The following CATSPERE variants were observed in gnomAD, a reference collection of about 807,000 sequenced individuals.
The protein encoded by CATSPERE is catsper channel auxiliary subunit epsilon.
A neutral mutation model predicts 114.1 loss-of-function variants in CATSPERE; 93 were observed. The ratio of observed to expected loss-of-function variants is 0.81; its 90% CI spans 0.69 to 0.97. The LOEUF (loss-of-function observed/expected upper bound fraction) is 0.97. Among genes scored for constraint, CATSPERE ranks in the 50% least tolerant of loss-of-function variants. The probability of loss-of-function intolerance (pLI) is 0.00; values close to 1 mark genes in which losing one functional copy is unlikely to be tolerated. For missense variants in CATSPERE, 1,058 were observed against 1,131.6 expected (o/e 0.93, Z 0.93); for synonymous variants, 341 against 384.1 (o/e 0.89, Z 1.31).
At chr1:244,529,065 T>C (rs1487454063) in intron 8 of CATSPERE, among the ~76,000 whole-genome samples, 1 of 152,240 alleles carries the variant, frequency 6.6e-6, no homozygotes, top group Non-Finnish European at 1.5e-5. Flanking sequence ...ACATTTTCTT[T>C]ATCCATTCAC....
Position 244,472,472 on chromosome 1 carries a change from T to C in CATSPERE, c.115-5069T>C, listed in dbSNP as rs532382673. ...TGGCTTTTAAAAAATTTTTTAAGAG[T>C]TAACAGACTTTATTTTTAGAGCAGT... On this transcript the variant is annotated intron_variant, in intron 2 of 21. Transcript: ENST00000366534. 1.1e-3 allele frequency among the ~76,000 whole-genome samples: 165 copies of C among 152,240 alleles called. 3 individuals carry two copies. The South Asian group carries it at 0.032, about 30-fold the overall frequency.
chr1:244,614,318 G>A (rs377746714), intron 19 of CATSPERE, among the ~76,000 whole-genome samples: 7 of 152,242 alleles, frequency 4.6e-5, no homozygotes, highest in Admixed American at 1.3e-4. Context: ...TTTCCTTTCC[G>A]GAAAGACTGC....
At chr1:244,621,518 T>C (rs979180138) in intron 20 of CATSPERE, among the ~76,000 whole-genome samples, 1 of 151,368 alleles carries the variant, frequency 6.6e-6, no homozygotes, top group Non-Finnish European at 1.5e-5. Context: ...TGGAGGATTG[T>C]GCTTTAAGCT....
At position 244,552,538 on chromosome 1, in the gene CATSPERE, T is replaced by C. The variant is rs1332248724; in HGVS notation, c.753T>C (p.Ala251=). The change falls in exon 9 of 22, where the codon GCT becomes GCC. Residue 251 remains alanine, a synonymous_variant. Transcript: ENST00000366534. ...ASWDACVVAS[A]VLVTDMETFH... The stretch of plus-strand genomic sequence containing the variant: ...GGGATGCTTGTGTAGTTGCATCTGC[T>C]GTTTTGGTGACAGATATGGAGACCT... The C allele has an allele frequency of 4.3e-6, 7 of 1,614,240 alleles. No homozygotes were observed. The highest frequency in any genetic ancestry group is 3.3e-5 in the Admixed American group (2 of 60,032).
intron 21 of CATSPERE, among the ~76,000 whole-genome samples, chr1:244,637,643 T>A (rs548977710): frequency 6.6e-6 from 1 of 152,320 alleles, no homozygotes; most frequent in South Asian, 2.1e-4. Context: ...TTTCAAAGTC[T>A]ATTATTTCAA....
chr1:244,589,012 C>G (rs913335972), intron 14 of CATSPERE, among the ~76,000 whole-genome samples: 4 of 152,166 alleles, frequency 2.6e-5, no homozygotes, highest in African/African-American at 7.2e-5. Context: ...AGCAGAACCA[C>G]AGTGATTGCC....
At chr1:244,548,346 G>A (rs1660087262) in intron 8 of CATSPERE, among the ~76,000 whole-genome samples, 1 of 152,178 alleles carries the variant, frequency 6.6e-6, no homozygotes, top group Admixed American at 6.5e-5. Flanking sequence ...CCTGGCTATG[G>A]CCATCTCTGA....
Position 244,607,924 on chromosome 1 carries a change from T to C in CATSPERE, c.2403+2130T>C, listed in dbSNP as rs1411634022. Among the ~76,000 whole-genome samples, 1 of 151,528 alleles carries C rather than the reference T, an allele frequency of 6.6e-6. No homozygotes were observed. Among genetic ancestry groups the C allele is most frequent in the Non-Finnish European group, 1.5e-5 (1 of 67,900 alleles). Reference sequence around the variant, plus strand: ...GTCAGGAGTTTGAGACTGACCAACATGGTGAAACCCCATATCTCCTAAAAA... The same window carrying C: ...GTCAGGAGTTTGAGACTGACCAACACGGTGAAACCCCATATCTCCTAAAAA... On this transcript the variant is annotated intron_variant, in intron 18 of 21. Transcript: ENST00000366534. The surrounding 1 kb of genome is among the most constrained non-coding windows in gnomAD (Gnocchi z 4.4).
chr1:244,582,684 G>A (rs1666365146), intron 12 of CATSPERE, among the ~76,000 whole-genome samples: 1 of 152,140 alleles, frequency 6.6e-6, no homozygotes. Context: ...TTACAGGCAT[G>A]AGCCACTGCA....
chr1:244,552,111 G>GACAGAA (rs1434186418), intron 8 of CATSPERE, among the ~76,000 whole-genome samples: 7 of 138,102 alleles, frequency 5.1e-5, no homozygotes, highest in African/African-American at 1.8e-4. Context: ...AGAATACAGA[G>GACAGAA]ACAGAAACAG....
At chr1:244,469,762 G>A (rs192428676) in intron 2 of CATSPERE, among the ~76,000 whole-genome samples, 10 of 152,114 alleles carry the variant, frequency 6.6e-5, no homozygotes, top group African/African-American at 2.4e-4. Context: ...AGAAAAAGTG[G>A]AAGGACTCAC....
chr1:244,541,191 A>G (rs1188069875), intron 8 of CATSPERE, among the ~76,000 whole-genome samples: 1 of 150,682 alleles, frequency 6.6e-6, no homozygotes, highest in Non-Finnish European at 1.5e-5. Context: ...CTGCACAGCA[A>G]AAGAAACTAC....
In CATSPERE at chr1:244,461,351, C is replaced by T. The variant is rs1310807148; in HGVS notation, c.-79C>T. Reference sequence around the variant, plus strand: ...GGACCCAGGCGCCTGCAGCCGCCCGCCGGGCCGACGTCCCACGGGAATGCG... The same window carrying T: ...GGACCCAGGCGCCTGCAGCCGCCCGTCGGGCCGACGTCCCACGGGAATGCG... On this transcript the variant is annotated 5_prime_UTR_variant, in exon 1 of 22. Transcript: ENST00000366534. 5.7e-6 allele frequency: 7 copies of T among 1,236,896 alleles called. No homozygotes were observed. In the African/African-American group the frequency reaches 9.4e-5, roughly 17 times the overall value. The allele number at this position is 1,236,896 out of a possible 1,614,324, so 76.6% of individuals were successfully genotyped here. A position where few individuals can be genotyped will look rare whatever the true frequency, so the allele number is the denominator to read the frequency against.
chr1:244,532,725 A>T (rs1471914279), intron 8 of CATSPERE, among the ~76,000 whole-genome samples: 1 of 152,094 alleles, frequency 6.6e-6, no homozygotes, highest in Admixed American at 6.6e-5. Context: ...CAGAGAAGGT[A>T]CTTCATATTT....
In CATSPERE at chr1:244,560,829, A is replaced by G. The variant is rs1356161853; in HGVS notation, c.1191A>G (p.Thr397=). The G allele has an allele frequency of 6.2e-6, 10 of 1,613,990 alleles. No individual in the cohort carries two copies. The highest frequency in any genetic ancestry group is 8.5e-6 in the Non-Finnish European group (10 of 1,180,018). ...ATLTIDRVEY[T]GHPLEIAVFL... ...TGACCATAGACAGGGTTGAGTATAC[A>G]GGACACCCTCTGGAGATTGCTGTGT... The change falls in exon 10 of 22, where the codon ACA becomes ACG. Residue 397 remains threonine, a synonymous_variant. Transcript: ENST00000366534.
intron 2 of CATSPERE, among the ~76,000 whole-genome samples, chr1:244,473,980 G>C (rs1668870664): frequency 6.6e-6 from 1 of 151,330 alleles, no homozygotes; most frequent in African/African-American, 2.4e-5. Flanking sequence ...GAACATCTTT[G>C]GTGCCCTGCT....
chr1:244,463,752 T>C (rs1667169411), intron 1 of CATSPERE, among the ~76,000 whole-genome samples, 156 bp from the exon 2 acceptor site: 1 of 152,000 alleles, frequency 6.6e-6, no homozygotes, highest in Non-Finnish European at 1.5e-5. Flanking sequence ...AGGTCACTGA[T>C]AGCCCCAATT....
chr1:244,561,218 T>C (rs1662506979), intron 10 of CATSPERE, 73 bp downstream of exon 10: 1 of 1,105,318 alleles, frequency 9.0e-7, no homozygotes, highest in African/African-American at 1.6e-5. Context: ...GATGTAACAC[T>C]TTTTAATGTA....
intron 11 of CATSPERE, among the ~76,000 whole-genome samples, chr1:244,579,285 A>T (rs907602958): frequency 2.5e-4 from 38 of 152,110 alleles, no homozygotes; most frequent in Non-Finnish European, 1.9e-4. Context: ...CTGCACCTTT[A>T]CATTTGTTTA....
Sources: gnomAD v4.1 joint callset for allele counts (sites outside exome capture counted in the v4.1 genomes callset) on GRCh38, gnomAD v4.1.1 for gene constraint, Gnocchi (gnomAD v3.1) non-coding constraint, MANE v1.5 for transcripts, NCBI Gene and HGNC (gene_info 2026-07-23, HGNC 2026-07-21) for gene names.